PCLO: variants seen among roughly 807,000 people sequenced by gnomAD.
PCLO encodes the protein piccolo presynaptic cytomatrix protein, also known as protein piccolo.
PCLO carries 82 observed loss-of-function variants against 427.5 expected under a neutral mutation model. The ratio of observed to expected loss-of-function variants is 0.19; its 90% CI spans 0.16 to 0.23. The LOEUF (loss-of-function observed/expected upper bound fraction) is 0.23, where lower values mean the gene tolerates loss of function less well. Ranked by LOEUF, PCLO falls within the 10% of genes least tolerant of loss-of-function variation. The probability of loss-of-function intolerance (pLI) is 1.00; values close to 1 mark genes in which losing one functional copy is unlikely to be tolerated. For synonymous variants in PCLO, 2,357 were observed against 2,155.4 expected, an observed-to-expected ratio of 1.09 and a Z score of -2.59; for missense variants, 6,239 against 6,115.9, an observed-to-expected ratio of 1.02 and a Z score of -0.67.
intron 3 of PCLO, among the ~76,000 whole-genome samples, chr7:83,093,470 G>GTA (rs1790433950): frequency 1.0e-5 from 1 of 98,086 alleles, no homozygotes; most frequent in South Asian, 2.9e-4. Context: ...ATATGTGTGT[G>GTA]TGTATAGATA....
intron 3 of PCLO, among the ~76,000 whole-genome samples, chr7:83,112,206 C>A (rs570895862): frequency 1.3e-5 from 2 of 152,078 alleles, no homozygotes; most frequent in Admixed American, 1.3e-4. Flanking sequence ...TACAAGTGCC[C>A]GCCACCACAC....
intron 3 of PCLO, among the ~76,000 whole-genome samples, chr7:83,114,022 G>A (rs1953871976): frequency 6.6e-6 from 1 of 152,060 alleles, no homozygotes; most frequent in Non-Finnish European, 1.5e-5. Flanking sequence ...TCTTATGAGA[G>A]CTTAAAAAAT....
At chr7:83,055,805 C>T (rs1407578253) in intron 3 of PCLO, among the ~76,000 whole-genome samples, 1 of 152,062 alleles carries the variant, frequency 6.6e-6, no homozygotes, top group Non-Finnish European at 1.5e-5. Context: ...GAAAGATAAT[C>T]CAAGTCATTA....
Position 83,155,710 on chromosome 7 carries a change from G to C in PCLO, c.931C>G (p.Pro311Ala). ...GGCTGCTGTGCTGGAGGTTTTCCAG[G>C]AGTTGGTTGCTGAATAGGTGGTTTG... ...PSKPPIQQPT[P>A]GKPPAQQPGH... is the part of the protein sequence containing the mutation. Residue 311 changes from proline to alanine, a missense_variant, in exon 2 of 25, where the codon CCT becomes GCT. Physicochemically the swap from Pro to Ala is conservative, Grantham distance 27. Coordinates refer to ENST00000333891, the MANE Select transcript of PCLO (RefSeq NM_033026.6). The C allele has an allele frequency of 6.2e-7, 1 of 1,613,990 alleles. No homozygotes were observed. Among genetic ancestry groups the C allele is most frequent in the Non-Finnish European group, 8.5e-7 (1 of 1,179,874 alleles).
chr7:83,011,911 C>G (rs1788086807), intron 3 of PCLO, among the ~76,000 whole-genome samples: 1 of 152,222 alleles, frequency 6.6e-6, no homozygotes, highest in Non-Finnish European at 1.5e-5. Context: ...GAATGACAGA[C>G]TCTGCTAGGC....
At chr7:82,817,822 T>C (rs1791709276) in intron 20 of PCLO, among the ~76,000 whole-genome samples, 1 of 152,174 alleles carries the variant, frequency 6.6e-6, no homozygotes, top group African/African-American at 2.4e-5. Flanking sequence ...TCTTGTTTTA[T>C]TGACCAGGGT....
At chr7:83,110,724 T>C (rs1790982989) in intron 3 of PCLO, among the ~76,000 whole-genome samples, 2 of 152,274 alleles carry the variant, frequency 1.3e-5, no homozygotes, top group Middle Eastern at 3.4e-3. Context: ...CCAACTTTAC[T>C]TGATTTTACA....
At chr7:82,871,135 A>G (rs989240755) in intron 10 of PCLO, among the ~76,000 whole-genome samples, 9 of 152,020 alleles carry the variant, frequency 5.9e-5, no homozygotes, top group African/African-American at 9.6e-5. Flanking sequence ...GGAAATAAGT[A>G]TATAGAAGAG....
At chr7:82,813,869 G>T (rs548602366) in intron 20 of PCLO, among the ~76,000 whole-genome samples, 1 of 151,698 alleles carries the variant, frequency 6.6e-6, no homozygotes, top group Non-Finnish European at 1.5e-5. Context: ...CAAGTATTTC[G>T]TAAGAAGCTT....
intron 10 of PCLO, among the ~76,000 whole-genome samples, chr7:82,870,058 C>G (rs549866519): frequency 6.6e-6 from 1 of 152,032 alleles, no homozygotes; most frequent in African/African-American, 2.4e-5. Context: ...AAATATCAAT[C>G]AATGTCATTC....
At chr7:83,126,206 A>G (rs1194160831) in intron 3 of PCLO, among the ~76,000 whole-genome samples, 1 of 152,204 alleles carries the variant, frequency 6.6e-6, no homozygotes, top group East Asian at 1.9e-4. Flanking sequence ...AGACAGTAGA[A>G]TGATGGTTAC....
intron 3 of PCLO, among the ~76,000 whole-genome samples, chr7:82,976,621 G>A (rs1169678504): frequency 6.6e-6 from 1 of 152,038 alleles, no homozygotes; most frequent in African/African-American, 2.4e-5. Context: ...TAACTTGCAT[G>A]ACCAAGAAAG....
chr7:83,020,817 G>A (rs4272317), intron 3 of PCLO, among the ~76,000 whole-genome samples: 1 of 152,076 alleles, frequency 6.6e-6, no homozygotes, highest in African/African-American at 2.4e-5. Context: ...GTAGAAATGA[G>A]AATAAACCAA....
intron 22 of PCLO, among the ~76,000 whole-genome samples, chr7:82,781,876 AG>A (rs1790880191): frequency 1.3e-5 from 2 of 152,164 alleles, no homozygotes; most frequent in African/African-American, 4.8e-5. Flanking sequence ...GAACACATGG[AG>A]GTTCCTGGAG....
intron 22 of PCLO, among the ~76,000 whole-genome samples, chr7:82,778,796 T>C (rs899097282): frequency 6.6e-6 from 1 of 152,102 alleles, no homozygotes; most frequent in Non-Finnish European, 1.5e-5. Context: ...TTGAGGATTT[T>C]TTCCTGGCCA....
At chr7:82,888,222 GT>G in intron 9 of PCLO, among the ~76,000 whole-genome samples, 1 of 152,144 alleles carries the variant, frequency 6.6e-6, no homozygotes, top group East Asian at 1.9e-4. Flanking sequence ...TATTCCAGCA[GT>G]TAGGATGGAA....
chr7:83,084,512 AAAT>A (rs1790181507), intron 3 of PCLO, among the ~76,000 whole-genome samples: 1 of 152,162 alleles, frequency 6.6e-6, no homozygotes, highest in Non-Finnish European at 1.5e-5. Context: ...ACTAAAAATT[AAAT>A]AATAATTAAA....
chr7:82,796,039 T>C (rs1791216209), intron 22 of PCLO, among the ~76,000 whole-genome samples: 2 of 152,160 alleles, frequency 1.3e-5, no homozygotes, highest in Non-Finnish European at 2.9e-5. Flanking sequence ...GTCTAAAATA[T>C]TCTGGGCTTT....
At chr7:82,965,106 T>C (rs889671992) in intron 4 of PCLO, among the ~76,000 whole-genome samples, 1 of 152,062 alleles carries the variant, frequency 6.6e-6, no homozygotes, top group Non-Finnish European at 1.5e-5. Flanking sequence ...ATGAAAATTT[T>C]CCATTAAAGA....
Sources: gnomAD v4.1 joint callset for allele counts (sites outside exome capture counted in the v4.1 genomes callset) on GRCh38, gnomAD v4.1.1 for gene constraint, MANE v1.5 for transcripts, NCBI Gene and HGNC (gene_info 2026-07-23, HGNC 2026-07-21) for gene names.